XKR9: variants seen among roughly 807,000 people sequenced by gnomAD.
XKR9 encodes XK related 9, also known as XK-related protein 9.
Under a neutral mutation model 32.0 loss-of-function variants are expected in XKR9, and 32 were observed. The ratio of observed to expected loss-of-function variants is 1.00; its 90% CI spans 0.76 to 1.34. The LOEUF is 1.34. XKR9 is among the 40% of genes most tolerant of loss of function. The pLI, the probability that XKR9 is intolerant of heterozygous loss-of-function variation, is 0.00. For synonymous variants in XKR9, 168 were observed against 143.4 expected (o/e 1.17, Z -1.22); for missense variants, 546 against 429.7 (o/e 1.27, Z -2.39).
chr8:70,931,147 G>GT, the XKR9 span, among the ~76,000 whole-genome samples: 1 of 120,528 alleles, frequency 8.3e-6, no homozygotes, highest in African/African-American at 3.7e-5. Flanking sequence ...TCAAGCTTAA[G>GT]TAAAAAAAAA....
chr8:70,726,132 G>T (rs1806461617), intron 4 of XKR9, among the ~76,000 whole-genome samples: 3 of 152,134 alleles, frequency 2.0e-5, no homozygotes, highest in African/African-American at 7.2e-5. Flanking sequence ...TATTAAAAAT[G>T]AAGCAAGAAC....
the XKR9 span, among the ~76,000 whole-genome samples, chr8:70,923,563 G>T: frequency 6.6e-6 from 1 of 152,214 alleles, no homozygotes; most frequent in Non-Finnish European, 1.5e-5. Context: ...CTAGCAAGGG[G>T]TTCACATGGT....
the XKR9 span, among the ~76,000 whole-genome samples, chr8:70,815,752 C>G: frequency 6.6e-6 from 1 of 152,084 alleles, no homozygotes; most frequent in African/African-American, 2.4e-5. Flanking sequence ...GTCTCGATCT[C>G]CTGACCTTGT....
chr8:70,975,692 T>G, the XKR9 span, among the ~76,000 whole-genome samples: 1 of 152,234 alleles, frequency 6.6e-6, no homozygotes, highest in Non-Finnish European at 1.5e-5. Flanking sequence ...TCTAGCTTTG[T>G]CCTTTTTGCT....
At chr8:70,693,857 C>T (rs1805161984) in intron 3 of XKR9, among the ~76,000 whole-genome samples, 1 of 152,118 alleles carries the variant, frequency 6.6e-6, no homozygotes, top group Admixed American at 6.5e-5. Context: ...CTTTGTTAGT[C>T]CGAAGGTGGC....
chr8:70,869,745 T>G, the XKR9 span, among the ~76,000 whole-genome samples: 5 of 152,204 alleles, frequency 3.3e-5, no homozygotes, highest in African/African-American at 9.6e-5. Flanking sequence ...GTTTTGCATA[T>G]TAGACTAGAG....
chr8:70,741,764 A>G (rs1330488343), intron 2 of XKR9, among the ~76,000 whole-genome samples: 1 of 152,176 alleles, frequency 6.6e-6, no homozygotes, highest in African/African-American at 2.4e-5. Context: ...TCTTTTGGAT[A>G]TGTACTCAGA....
chr8:70,809,045 C>G, the XKR9 span, among the ~76,000 whole-genome samples: 4 of 152,208 alleles, frequency 2.6e-5, no homozygotes, highest in Non-Finnish European at 5.9e-5. Context: ...AGGCACCCCC[C>G]AGTAGGGGCA....
chr8:70,961,881 T>A, the XKR9 span, among the ~76,000 whole-genome samples: 1 of 152,066 alleles, frequency 6.6e-6, no homozygotes, highest in Non-Finnish European at 1.5e-5. Context: ...CACTTAACTT[T>A]AAAAAAAATT....
At chr8:70,858,571 A>G in the XKR9 span, among the ~76,000 whole-genome samples, 157 of 152,284 alleles carry the variant, frequency 1.0e-3, no homozygotes, top group Non-Finnish European at 1.7e-3. Context: ...AGCAAAAAGA[A>G]CAATGCTGGA....
the XKR9 span, among the ~76,000 whole-genome samples, chr8:70,882,191 C>T: frequency 3.9e-5 from 6 of 152,090 alleles, no homozygotes; most frequent in Admixed American, 6.6e-5. Flanking sequence ...AGCAAACCAA[C>T]ATGGTTCATG....
At chr8:70,912,000 A>T in the XKR9 span, among the ~76,000 whole-genome samples, 1 of 152,190 alleles carries the variant, frequency 6.6e-6, no homozygotes, top group South Asian at 2.1e-4. Context: ...TCAACACCTG[A>T]AAGATGGATA....
At chr8:70,986,778 A>C in the XKR9 span, among the ~76,000 whole-genome samples, 1 of 152,232 alleles carries the variant, frequency 6.6e-6, no homozygotes, top group Admixed American at 6.5e-5. Flanking sequence ...AGGCAGACTC[A>C]GTACTTTTGA....
the XKR9 span, among the ~76,000 whole-genome samples, chr8:71,041,599 C>G: frequency 6.6e-6 from 1 of 152,062 alleles, no homozygotes; most frequent in Admixed American, 6.5e-5. Flanking sequence ...ATTGTAATCC[C>G]CACATGTGGA....
chr8:70,855,726 A>G, the XKR9 span, among the ~76,000 whole-genome samples: 6 of 152,252 alleles, frequency 3.9e-5, no homozygotes, highest in African/African-American at 1.2e-4. Flanking sequence ...GCAGCCAGAG[A>G]GAAAGGTTGG....
At chr8:70,996,142 T>C in the XKR9 span, among the ~76,000 whole-genome samples, 84,906 of 152,104 alleles carry the variant, frequency 0.56, 24,670 homozygotes, top group Middle Eastern at 0.61. Flanking sequence ...GAAAACTAAA[T>C]GAAAGTTTAT....
At chr8:71,060,332 A>G in the XKR9 span, among the ~76,000 whole-genome samples, 1 of 152,216 alleles carries the variant, frequency 6.6e-6, no homozygotes, top group East Asian at 1.9e-4. Flanking sequence ...AAGTTGACAG[A>G]GCCAGTAACA....
At chr8:70,906,289 G>A in the XKR9 span, among the ~76,000 whole-genome samples, 3 of 152,146 alleles carry the variant, frequency 2.0e-5, no homozygotes, top group East Asian at 1.9e-4. Flanking sequence ...AGTTCCTAAT[G>A]TATCTGTAAG....
the XKR9 span, among the ~76,000 whole-genome samples, chr8:70,819,350 C>T: frequency 7.2e-5 from 11 of 152,156 alleles, no homozygotes; most frequent in Admixed American, 1.3e-4. Flanking sequence ...AGGAAAATTG[C>T]GTAAAAGAGA....
Sources: allele counts gnomAD v4.1 joint callset (sites outside exome capture counted in the v4.1 genomes callset), GRCh38; gene constraint gnomAD v4.1.1; transcripts MANE v1.5; gene names NCBI Gene and HGNC (gene_info 2026-07-23, HGNC 2026-07-21).